Variants in SLMAP observed in about 807,000 individuals in gnomAD.
The protein encoded by SLMAP is sarcolemma associated protein, also known as sarcolemmal membrane-associated protein.
In SLMAP, 44 loss-of-function variants were observed where a neutral mutation model predicts 128.8. The observed-to-expected ratio is 0.34, with a 90% CI of 0.27 to 0.44. The LOEUF (loss-of-function observed/expected upper bound fraction) is 0.44. Ranked by LOEUF, SLMAP falls within the 20% of genes least tolerant of loss-of-function variation. SLMAP has a pLI of 1.00. For missense variants in SLMAP, 787 were observed against 985.3 expected (o/e 0.80, Z 2.69); for synonymous variants, 327 against 348.8 (o/e 0.94, Z 0.70).
chr3:57,825,590 G>A (rs1231695479), intron 2 of SLMAP, among the ~76,000 whole-genome samples: 5 of 151,068 alleles, frequency 3.3e-5, no homozygotes, highest in Non-Finnish European at 5.9e-5. Context: ...ACCACCTAGG[G>A]TAAATCCCAC....
intron 3 of SLMAP, among the ~76,000 whole-genome samples, chr3:57,837,084 A>G (rs532776382): frequency 6.6e-6 from 1 of 152,332 alleles, no homozygotes; most frequent in South Asian, 2.1e-4. Flanking sequence ...GCACTGAATT[A>G]CTTTTACTCC....
chr3:57,874,473 T>C (rs1222778426), intron 14 of SLMAP, among the ~76,000 whole-genome samples: 1 of 151,488 alleles, frequency 6.6e-6, no homozygotes. Context: ...CAAAACAACT[T>C]TTTGCCGGTA....
At chr3:57,843,118 A>G (rs2094020877) in intron 4 of SLMAP, among the ~76,000 whole-genome samples, 1 of 152,154 alleles carries the variant, frequency 6.6e-6, no homozygotes. Flanking sequence ...AAAAGCATTA[A>G]GATGCTTTTG....
intron 2 of SLMAP, among the ~76,000 whole-genome samples, chr3:57,769,046 G>A (rs1366747849): frequency 3.3e-5 from 5 of 152,208 alleles, no homozygotes; most frequent in Admixed American, 1.3e-4. Flanking sequence ...ACTAACATAG[G>A]ATATGACTGC....
intron 2 of SLMAP, among the ~76,000 whole-genome samples, chr3:57,766,119 C>T (rs2079639062): frequency 6.7e-6 from 1 of 149,136 alleles, no homozygotes; most frequent in African/African-American, 2.5e-5. Flanking sequence ...CTGTCTCAGC[C>T]TCCTGAGTAG....
chr3:57,834,278 G>A (rs886797039), intron 3 of SLMAP, among the ~76,000 whole-genome samples: 2 of 151,744 alleles, frequency 1.3e-5, no homozygotes, highest in African/African-American at 4.8e-5. Context: ...ATTCTACAAG[G>A]GATAAACAAA....
chr3:57,865,325 T>C, intron 13 of SLMAP, 33 bp downstream of exon 13: 1 of 892,964 alleles, frequency 1.1e-6, no homozygotes, highest in Admixed American at 2.5e-5. Context: ...ATATATACTT[T>C]TTATGATATC....
chr3:57,786,671 C>T (rs2084206704), intron 2 of SLMAP, among the ~76,000 whole-genome samples: 1 of 151,112 alleles, frequency 6.6e-6, no homozygotes, highest in Non-Finnish European at 1.5e-5. Flanking sequence ...ATTCTTCTGC[C>T]TCAGTCTCCT....
At chr3:57,762,733 T>TTTTTA (rs2078937288) in intron 2 of SLMAP, among the ~76,000 whole-genome samples, 1 of 149,198 alleles carries the variant, frequency 6.7e-6, no homozygotes, top group African/African-American at 2.5e-5. Context: ...TTTTTTTTTT[T>TTTTTA]GAGCCGGAGT....
chr3:57,899,863 A>G (rs2096331003), intron 17 of SLMAP: 1 of 152,248 alleles, frequency 6.6e-6, no homozygotes, highest in Admixed American at 6.5e-5. Context: ...AGAGTCTCCA[A>G]GAGATAATTA....
intron 14 of SLMAP, among the ~76,000 whole-genome samples, chr3:57,886,544 G>A (rs180943787): frequency 6.7e-6 from 1 of 149,804 alleles, no homozygotes; most frequent in East Asian, 1.9e-4. Flanking sequence ...AGAAGGTAGA[G>A]GAAATGTCCC....
intron 9 of SLMAP, 31 bp downstream of exon 9, chr3:57,860,870 GTAT>G: frequency 6.6e-7 from 1 of 1,511,564 alleles, no homozygotes; most frequent in Non-Finnish European, 8.9e-7. Flanking sequence ...ATACTAAATA[GTAT>G]TATGAGTGTT....
intron 14 of SLMAP, among the ~76,000 whole-genome samples, chr3:57,879,219 A>G (rs1395844942): frequency 8.5e-5 from 13 of 152,250 alleles, no homozygotes; most frequent in Admixed American, 8.5e-4. Flanking sequence ...TTTATGCCAC[A>G]TAGTAATATG....
intron 17 of SLMAP, chr3:57,898,432 CTTTTTTCTTTTTCT>C (rs973758250): frequency 4.6e-5 from 7 of 152,174 alleles, no homozygotes; most frequent in African/African-American, 1.7e-4. Flanking sequence ...ACAGAACTCT[CTTTTTTCTTTTTCT>C]TTTTTTCTTT....
In SLMAP at chr3:57,840,067, T is replaced by C. The variant is rs1232682202; in HGVS notation, c.347-1232T>C. Among the ~76,000 whole-genome samples, 3 of 152,092 alleles carry C rather than the reference T, an allele frequency of 2.0e-5. No individual in the cohort carries two copies. In the East Asian group the frequency reaches 5.8e-4, roughly 29 times the overall value. ...AACTCCTGACCTCAGGTGATCCACCTGCCTCGGCCTCCCAAAGTACTGGGA... is the reference window on the plus strand; with the variant it reads ...AACTCCTGACCTCAGGTGATCCACCCGCCTCGGCCTCCCAAAGTACTGGGA... On this transcript the variant is annotated intron_variant, in intron 3 of 24. Transcript: ENST00000671191.
chr3:57,760,236 G>T (rs1048828040), intron 2 of SLMAP, among the ~76,000 whole-genome samples: 1 of 152,106 alleles, frequency 6.6e-6, no homozygotes. Flanking sequence ...CACCACACCC[G>T]GCCATGAAAT....
intron 2 of SLMAP, among the ~76,000 whole-genome samples, chr3:57,780,553 G>A (rs891470470): frequency 1.3e-5 from 2 of 152,008 alleles, no homozygotes; most frequent in Non-Finnish European, 2.9e-5. Context: ...ATCTTGATCT[G>A]GGTGGTAGTT....
intron 2 of SLMAP, among the ~76,000 whole-genome samples, chr3:57,776,556 C>T (rs1057463694): frequency 4.9e-5 from 5 of 102,380 alleles, no homozygotes; most frequent in East Asian, 2.8e-4. Flanking sequence ...GATAGAGTTT[C>T]GCTCTTGTTG....
chr3:57,884,649 A>T (rs2095833415), intron 14 of SLMAP, among the ~76,000 whole-genome samples: 1 of 152,096 alleles, frequency 6.6e-6, no homozygotes, highest in Non-Finnish European at 1.5e-5. Context: ...CTCTACAAAA[A>T]ATGCAAAGAA....
Sources: gnomAD v4.1 joint callset for allele counts (sites outside exome capture counted in the v4.1 genomes callset) on GRCh38, gnomAD v4.1.1 for gene constraint, MANE v1.5 for transcripts, NCBI Gene and HGNC (gene_info 2026-07-23, HGNC 2026-07-21) for gene names.